SPIDR: variants seen among roughly 807,000 people sequenced by gnomAD.
The protein encoded by SPIDR is DNA repair-scaffolding protein.
SPIDR carries 93 observed loss-of-function variants against 104.6 expected under a neutral mutation model. That is an observed-to-expected ratio of 0.89 (90% CI 0.75 to 1.06). SPIDR has a LOEUF of 1.06. SPIDR is among the 50% of genes least tolerant of loss of function. The pLI, the probability that SPIDR is intolerant of heterozygous loss-of-function variation, is 0.00. For missense variants in SPIDR, 1,154 were observed against 1,111.2 expected, an observed-to-expected ratio of 1.04 and a Z score of -0.55; for synonymous variants, 431 against 416.9, an observed-to-expected ratio of 1.03 and a Z score of -0.41.
chr8:47,576,903 G>A (rs1405468109), intron 8 of SPIDR, among the ~76,000 whole-genome samples: 1 of 152,102 alleles, frequency 6.6e-6, no homozygotes, highest in Non-Finnish European at 1.5e-5. Flanking sequence ...ACTTGAATTC[G>A]TGTCTTTAGA....
intron 5 of SPIDR, among the ~76,000 whole-genome samples, chr8:47,366,407 T>C (rs1223999821): frequency 6.6e-6 from 1 of 152,090 alleles, no homozygotes; most frequent in African/African-American, 2.4e-5. Flanking sequence ...TTAGGGACTT[T>C]CTTGGGAGAT....
In SPIDR at chr8:47,647,575, C is replaced by G. The variant is rs1163230691; in HGVS notation, c.1545-26226C>G. Among the ~76,000 whole-genome samples, 38 of 138,116 alleles carry G rather than the reference C, an allele frequency of 2.8e-4. No individual in the cohort carries two copies. In the Admixed American group the frequency reaches 2.9e-3, roughly 11 times the overall value. 90.6% of individuals were successfully genotyped at this position (138,116 alleles called of 152,430 possible). On this transcript the variant is annotated intron_variant, in intron 10 of 19. Transcript: ENST00000297423. ...GGTTGCAGGAGCCGAGATTGCGCCA[C>G]TGCACTCTAGCCTGGGTGACAGAGT...
intron 7 of SPIDR, among the ~76,000 whole-genome samples, chr8:47,418,511 G>T (rs1379841537): frequency 2.0e-5 from 3 of 152,206 alleles, no homozygotes; most frequent in Admixed American, 2.0e-4. Flanking sequence ...AGCTTAAGGA[G>T]ATTTTGGGCT....
intron 8 of SPIDR, among the ~76,000 whole-genome samples, chr8:47,548,392 A>T (rs1277089832): frequency 6.6e-6 from 1 of 152,262 alleles, no homozygotes; most frequent in African/African-American, 2.4e-5. Flanking sequence ...TCACGCCTGT[A>T]ATCCCATCAC....
chr8:47,546,138 T>C (rs2089324212), intron 8 of SPIDR, among the ~76,000 whole-genome samples: 1 of 152,172 alleles, frequency 6.6e-6, no homozygotes, highest in Admixed American at 6.5e-5. Flanking sequence ...TTGGGAAGTA[T>C]TCCCTCCTCT....
intron 8 of SPIDR, among the ~76,000 whole-genome samples, chr8:47,472,849 A>C (rs1490520721): frequency 6.6e-6 from 1 of 152,270 alleles, no homozygotes; most frequent in Admixed American, 6.5e-5. Flanking sequence ...GGAATGCTTC[A>C]TATCTAATGC....
chr8:47,733,471 G>A (rs1222509066), intron 19 of SPIDR, among the ~76,000 whole-genome samples: 1 of 152,142 alleles, frequency 6.6e-6, no homozygotes, highest in Non-Finnish European at 1.5e-5. Context: ...ATTTTTTGCT[G>A]GCTTTTTCCA....
chr8:47,409,854 C>A (rs2063263399), intron 7 of SPIDR, among the ~76,000 whole-genome samples: 1 of 152,166 alleles, frequency 6.6e-6, no homozygotes, highest in South Asian at 2.1e-4. Flanking sequence ...TGTAGTGAAA[C>A]CCATTCGCTG....
chr8:47,333,668 CATT>C (rs1195350147), intron 5 of SPIDR, among the ~76,000 whole-genome samples: 2 of 152,134 alleles, frequency 1.3e-5, no homozygotes, highest in African/African-American at 2.4e-5. Context: ...GTACCATAGT[CATT>C]ATCAAACACA....
At chr8:47,347,946 CATTTAA>C (rs1554619489) in intron 5 of SPIDR, among the ~76,000 whole-genome samples, 1 of 152,136 alleles carries the variant, frequency 6.6e-6, no homozygotes, top group East Asian at 1.9e-4. Context: ...AGCCCATTTA[CATTTAA>C]ATTTAATATT....
At chr8:47,506,812 T>C (rs1238840974) in intron 8 of SPIDR, among the ~76,000 whole-genome samples, 1 of 152,152 alleles carries the variant, frequency 6.6e-6, no homozygotes, top group Non-Finnish European at 1.5e-5. Context: ...CCTGTCATGA[T>C]AGAAGGGATT....
intron 11 of SPIDR, among the ~76,000 whole-genome samples, chr8:47,697,012 C>T (rs1226208693): frequency 1.3e-5 from 2 of 152,148 alleles, no homozygotes; most frequent in South Asian, 2.1e-4. Flanking sequence ...TCCAGTACAG[C>T]CCAGTCTCAG....
chr8:47,289,908 A>G (rs1020799552), intron 3 of SPIDR, among the ~76,000 whole-genome samples: 3 of 152,234 alleles, frequency 2.0e-5, no homozygotes, highest in African/African-American at 7.2e-5. Context: ...GCATAGTACC[A>G]TGGTGTACTA....
At chr8:47,469,402 A>G (rs1401401910) in intron 8 of SPIDR, among the ~76,000 whole-genome samples, 1 of 152,222 alleles carries the variant, frequency 6.6e-6, no homozygotes, top group Non-Finnish European at 1.5e-5. Flanking sequence ...TCATTCTACC[A>G]TAAAGACGCA....
chr8:47,446,275 T>C (rs2070581513), intron 8 of SPIDR, among the ~76,000 whole-genome samples: 1 of 152,206 alleles, frequency 6.6e-6, no homozygotes, highest in Admixed American at 6.5e-5. Context: ...TTAAGAATTA[T>C]GCTAAATCTA....
At chr8:47,689,888 A>G (rs966609600) in intron 11 of SPIDR, among the ~76,000 whole-genome samples, 15 of 152,142 alleles carry the variant, frequency 9.9e-5, no homozygotes, top group Non-Finnish European at 1.9e-4. Flanking sequence ...TTTCTTCTTC[A>G]TTATTTGGCA....
intron 5 of SPIDR, among the ~76,000 whole-genome samples, chr8:47,352,681 G>A (rs2053762309): frequency 6.6e-6 from 1 of 152,160 alleles, no homozygotes; most frequent in Non-Finnish European, 1.5e-5. Context: ...CTATCATGAT[G>A]TTATATAACA....
Position 47,533,765 on chromosome 8 carries a change from T to G in SPIDR, c.1098-62046T>G, listed in dbSNP as rs2086430471. 2.0e-5 allele frequency among the ~76,000 whole-genome samples: 3 copies of G among 152,204 alleles called. No homozygotes were observed. The South Asian group carries it at 6.2e-4, about 32-fold the overall frequency. The stretch of plus-strand genomic sequence containing the variant: ...TAGCTATTATTAAAACGTCAAAAAA[T>G]AACAGTTGCTGGCGAGGCTGCAGAG... On this transcript the variant is annotated intron_variant, in intron 8 of 19. Transcript: ENST00000297423.
chr8:47,472,476 A>C (rs1378741090), intron 8 of SPIDR, among the ~76,000 whole-genome samples: 2 of 152,236 alleles, frequency 1.3e-5, no homozygotes, highest in Non-Finnish European at 2.9e-5. Context: ...GAAATTCTTC[A>C]GAGAATTGTA....
Sources: allele counts gnomAD v4.1 joint callset (sites outside exome capture counted in the v4.1 genomes callset), GRCh38; gene constraint gnomAD v4.1.1; transcripts MANE v1.5; gene names NCBI Gene and HGNC (gene_info 2026-07-23, HGNC 2026-07-21).